Variants in LRIG3 observed in about 807,000 individuals in gnomAD.
LRIG3 encodes leucine rich repeats and immunoglobulin like domains 3.
A neutral mutation model predicts 114.5 loss-of-function variants in LRIG3; 76 were observed. The observed-to-expected ratio is 0.66, with a 90% confidence interval of 0.55 to 0.80. The LOEUF (loss-of-function observed/expected upper bound fraction) is 0.80. Among genes scored for constraint, LRIG3 ranks in the 30% least tolerant of loss-of-function variants. The pLI, the probability that LRIG3 is intolerant of heterozygous loss-of-function variation, is 0.00. For missense variants in LRIG3, 1,239 were observed against 1,382.8 expected, an observed-to-expected ratio of 0.90 and a Z score of 1.65; for synonymous variants, 512 against 519.8, an observed-to-expected ratio of 0.98 and a Z score of 0.20.
Position 58,888,946 on chromosome 12 carries a change from TGTTTC to T in LRIG3, c.671_675del (p.Arg224GlnfsTer3). The stretch of plus-strand genomic sequence containing the variant: ...GTCAGTCCATCTACATTTTTAATCT[TGTTTC>T]GGTTCAATTCGCTGCATTGAGTATT... On this transcript the variant is annotated frameshift_variant, in exon 6 of 19. Transcript: ENST00000320743. LOFTEE classifies it high-confidence loss of function. 1 of 1,613,408 alleles carries T rather than the reference TGTTTC, an allele frequency of 6.2e-7. No individual in the cohort carries two copies. The highest frequency in any genetic ancestry group is 8.5e-7 in the Non-Finnish European group (1 of 1,179,702).
intron 3 of LRIG3, among the ~76,000 whole-genome samples, chr12:58,905,124 G>A (rs1408765064): frequency 6.6e-6 from 1 of 152,198 alleles, no homozygotes; most frequent in Non-Finnish European, 1.5e-5. Context: ...CCAACAGGAT[G>A]CAGATCATGC....
rs144851095 is a variant in LRIG3, at chr12:58,878,520, G to C, written c.2083+304C>G. Among the ~76,000 whole-genome samples, 5 of 152,112 alleles carry C rather than the reference G, an allele frequency of 3.3e-5. No homozygotes were observed. The East Asian group carries it at 5.8e-4, about 18-fold the overall frequency. On this transcript the variant is annotated intron_variant, in intron 14 of 18. Coordinates refer to ENST00000320743, the MANE Select transcript of LRIG3 (RefSeq NM_153377.5). ...GGTGTTAAGACTACTGATATAGACA[G>C]CACAGTGGGGAAATTAGAGGAGGGT...
chr12:58,913,021 T>C (rs1346718684), intron 3 of LRIG3, among the ~76,000 whole-genome samples: 1 of 152,202 alleles, frequency 6.6e-6, no homozygotes, highest in African/African-American at 2.4e-5. Flanking sequence ...GCTGCACCCG[T>C]GACTTAGCTG....
At position 58,876,723 on chromosome 12, in the gene LRIG3, C is replaced by G. The variant is rs1057069392; in HGVS notation, c.2537-120G>C. The G allele has an allele frequency of 1.9e-5, 19 of 1,002,870 alleles. No individual in the cohort carries two copies. In the Admixed American group the frequency reaches 2.2e-4, roughly 12 times the overall value. The allele number at this position is 1,002,870 out of a possible 1,614,324, so 62.1% of individuals were successfully genotyped here. The stretch of plus-strand genomic sequence containing the variant: ...TATACATCAAATTAGGGGAGATCTA[C>G]TCTGGCAAAACCATCTCGATTGTAC... On this transcript the variant is annotated intron_variant, in intron 15 of 18. Transcript: ENST00000320743.
intron 3 of LRIG3, among the ~76,000 whole-genome samples, chr12:58,901,833 C>T (rs934719777): frequency 1.4e-4 from 21 of 152,140 alleles, no homozygotes; most frequent in African/African-American, 5.1e-4. Flanking sequence ...TTAGTCACTA[C>T]GGAAAGGCTG....
chr12:58,900,190 T>C (rs1214367608), intron 3 of LRIG3, among the ~76,000 whole-genome samples: 1 of 152,126 alleles, frequency 6.6e-6, no homozygotes, highest in East Asian at 1.9e-4. Flanking sequence ...TATCCTCCTA[T>C]ACAAAAGTTT....
chr12:58,891,850 CTTTAAA>C (rs1302805113), intron 3 of LRIG3, among the ~76,000 whole-genome samples: 1 of 152,140 alleles, frequency 6.6e-6, no homozygotes, highest in African/African-American at 2.4e-5. Context: ...ACATGAGGCT[CTTTAAA>C]TTTAAATTAA....
At chr12:58,892,664 A>C (rs1871495379) in intron 3 of LRIG3, among the ~76,000 whole-genome samples, 2 of 152,204 alleles carry the variant, frequency 1.3e-5, no homozygotes, top group Non-Finnish European at 2.9e-5. Context: ...ATAAAATCTA[A>C]CAATATTGAA....
chr12:58,909,358 G>C (rs1872185818), intron 3 of LRIG3, among the ~76,000 whole-genome samples: 2 of 152,178 alleles, frequency 1.3e-5, no homozygotes, highest in South Asian at 4.1e-4. Context: ...ACAATTGCCA[G>C]AGCTCTCTAA....
At chr12:58,897,117 T>C (rs1018401206) in intron 3 of LRIG3, among the ~76,000 whole-genome samples, 4 of 152,206 alleles carry the variant, frequency 2.6e-5, no homozygotes, top group Admixed American at 6.5e-5. Context: ...GCTCATCTCT[T>C]TTCTAAAAAG....
intron 5 of LRIG3, among the ~76,000 whole-genome samples, chr12:58,889,553 G>A (rs1013130488): frequency 6.6e-6 from 1 of 152,012 alleles, no homozygotes; most frequent in Non-Finnish European, 1.5e-5. Flanking sequence ...CCAAGTGTTT[G>A]TAATGTGCAG....
At chr12:58,919,949 C>T in intron 1 of LRIG3, 51 bp downstream of exon 1, 1 of 1,513,212 alleles carries the variant, frequency 6.6e-7, no homozygotes, top group East Asian at 2.5e-5. Context: ...CTCCTGTTTT[C>T]TCGAATCTCC....
chr12:58,903,662 A>T (rs1354587259), intron 3 of LRIG3, among the ~76,000 whole-genome samples: 4 of 151,810 alleles, frequency 2.6e-5, no homozygotes, highest in Non-Finnish European at 4.4e-5. Context: ...CTGAATGGTA[A>T]TGCCTAGGTT....
chr12:58,918,985 C>A (rs1003668466), intron 1 of LRIG3, among the ~76,000 whole-genome samples: 1 of 152,182 alleles, frequency 6.6e-6, no homozygotes, highest in East Asian at 1.9e-4. Context: ...TGGAATAGTT[C>A]ACTAGAATTG....
chr12:58,919,487 TGGA>T, intron 1 of LRIG3: 1 of 1,551,520 alleles, frequency 6.4e-7, no homozygotes, highest in Non-Finnish European at 8.7e-7. Context: ...CACCATAACT[TGGA>T]GAATGACCGA....
Position 58,887,921 on chromosome 12 carries a change from A to G in LRIG3, c.959T>C (p.Phe320Ser), listed in dbSNP as rs1461407999. 1.9e-6 allele frequency: 3 copies of G among 1,612,616 alleles called. No homozygotes were observed. The East Asian group carries it at 6.7e-5, about 36-fold the overall frequency. Residue 320 changes from phenylalanine (F) to serine (S), a missense_variant, in exon 8 of 19, where the codon TTC (phenylalanine) becomes TCC (serine). Transcript: ENST00000320743. ...CQKLSELDLT[F>S]NHLSRLDDSS... ...ATCATCTAACCTTGATAAGTGATTG[A>G]AAGTTAGGTCCCTGTAAAGAAAAAA...
chr12:58,883,789 G>A (rs938574085), intron 10 of LRIG3, among the ~76,000 whole-genome samples, 198 bp from the exon 11 acceptor site: 1 of 152,084 alleles, frequency 6.6e-6, no homozygotes. Flanking sequence ...ATCACAGATA[G>A]GTTTTGTTTT....
chr12:58,888,724 T>G, intron 6 of LRIG3, 95 bp downstream of exon 6: 1 of 1,485,946 alleles, frequency 6.7e-7, no homozygotes. Context: ...GATGATGAGA[T>G]TTTAACATAG....
chr12:58,907,550 C>T (rs537648851), intron 3 of LRIG3, among the ~76,000 whole-genome samples: 1 of 152,338 alleles, frequency 6.6e-6, no homozygotes, highest in Non-Finnish European at 1.5e-5. Flanking sequence ...AAGCCCACCA[C>T]AATGCAAAAG....
Sources: gnomAD v4.1 joint callset for allele counts (sites outside exome capture counted in the v4.1 genomes callset) on GRCh38, gnomAD v4.1.1 for gene constraint, MANE v1.5 for transcripts, NCBI Gene and HGNC (gene_info 2026-07-23, HGNC 2026-07-21) for gene names.